Variants in SYNPR observed in about 807,000 individuals in gnomAD.
SYNPR encodes the protein synaptoporin.
In SYNPR, 23 loss-of-function variants were observed where a neutral mutation model predicts 32.9. The observed-to-expected ratio is 0.70, with a 90% CI of 0.50 to 0.99. The LOEUF (loss-of-function observed/expected upper bound fraction) is 0.99. SYNPR is among the 50% of genes least tolerant of loss of function. The pLI is 0.00. For missense variants in SYNPR, 318 were observed against 349.3 expected (o/e 0.91, Z 0.71); for synonymous variants, 146 against 135.9 (o/e 1.07, Z -0.52).
intron 3 of SYNPR, among the ~76,000 whole-genome samples, chr3:63,494,555 T>C (rs2106724108): frequency 1.3e-5 from 2 of 149,306 alleles, no homozygotes; most frequent in Middle Eastern, 3.5e-3. Flanking sequence ...ATCATCATCA[T>C]CGTTGTCATC....
intron 2 of SYNPR, among the ~76,000 whole-genome samples, chr3:63,266,023 G>C (rs2086482867): frequency 1.3e-5 from 2 of 151,804 alleles, no homozygotes; most frequent in African/African-American, 4.8e-5. Context: ...TTTTCTACAA[G>C]TGAAAAAATT....
chr3:63,557,219 T>C (rs184230027), intron 4 of SYNPR, among the ~76,000 whole-genome samples: 79 of 152,276 alleles, frequency 5.2e-4, no homozygotes, highest in Non-Finnish European at 8.2e-4. Context: ...GAAATCAATA[T>C]AGCCCAGCAT....
intron 3 of SYNPR, among the ~76,000 whole-genome samples, chr3:63,487,221 G>A (rs1165508010): frequency 6.6e-6 from 1 of 152,128 alleles, no homozygotes. Flanking sequence ...TAAAGCTGAA[G>A]CAATGTAGTG....
At chr3:63,397,962 C>T (rs1025474174) in intron 2 of SYNPR, among the ~76,000 whole-genome samples, 2 of 152,140 alleles carry the variant, frequency 1.3e-5, no homozygotes, top group African/African-American at 2.4e-5. Context: ...AAAATACTCA[C>T]GATATAATGG....
At chr3:63,573,253 C>T (rs1043542647) in intron 4 of SYNPR, among the ~76,000 whole-genome samples, 1 of 152,116 alleles carries the variant, frequency 6.6e-6, no homozygotes, top group Admixed American at 6.6e-5. Flanking sequence ...ATGTTTCCAT[C>T]AACAGAACAT....
At chr3:63,225,745 C>G (rs569957758), upstream of SYNPR, among the ~76,000 whole-genome samples, 8 of 152,168 alleles carry the variant, frequency 5.3e-5, no homozygotes, top group African/African-American at 1.9e-4. Flanking sequence ...TTGGTCTAGG[C>G]AAAGATTTTA....
intron 3 of SYNPR, among the ~76,000 whole-genome samples, chr3:63,537,284 C>A (rs1051513012): frequency 6.6e-6 from 1 of 152,086 alleles, no homozygotes; most frequent in African/African-American, 2.4e-5. Flanking sequence ...CAAACTTCTA[C>A]CTACTTTCCC....
At chr3:63,524,076 A>G (rs1015916574) in intron 3 of SYNPR, among the ~76,000 whole-genome samples, 1 of 133,940 alleles carries the variant, frequency 7.5e-6, no homozygotes, top group African/African-American at 2.8e-5. Context: ...TATTTACCTC[A>G]TTTCTGTAAA....
intron 2 of SYNPR, among the ~76,000 whole-genome samples, chr3:63,305,432 GAA>G (rs1162805778): frequency 2.0e-5 from 3 of 151,982 alleles, no homozygotes; most frequent in African/African-American, 7.2e-5. Flanking sequence ...ATTATGACAG[GAA>G]AAAGAGTTTA....
the SYNPR span, among the ~76,000 whole-genome samples, chr3:63,209,348 A>G: frequency 6.6e-6 from 1 of 151,932 alleles, no homozygotes; most frequent in East Asian, 1.9e-4. Context: ...GGGAAACAGT[A>G]AACAGTGAGT....
intron 4 of SYNPR, among the ~76,000 whole-genome samples, chr3:63,605,759 A>C (rs1337797957): frequency 6.6e-6 from 1 of 152,240 alleles, no homozygotes; most frequent in African/African-American, 2.4e-5. Context: ...ATTTGAAGAA[A>C]GAAAGAAGAA....
intron 4 of SYNPR, among the ~76,000 whole-genome samples, chr3:63,584,420 A>C (rs1301672970): frequency 1.3e-5 from 2 of 151,926 alleles, no homozygotes; most frequent in Admixed American, 6.6e-5. Flanking sequence ...TCAATAATAG[A>C]GGTATGGGAC....
At chr3:63,526,939 G>A (rs750288299) in intron 3 of SYNPR, among the ~76,000 whole-genome samples, 2 of 152,112 alleles carry the variant, frequency 1.3e-5, no homozygotes, top group Non-Finnish European at 2.9e-5. Context: ...AAGCATTCAC[G>A]GTGAGACAGC....
At chr3:63,578,954 C>T (rs2106857612) in intron 4 of SYNPR, among the ~76,000 whole-genome samples, 1 of 152,186 alleles carries the variant, frequency 6.6e-6, no homozygotes, top group East Asian at 1.9e-4. Flanking sequence ...TTTCCTATGA[C>T]ACTTCCTCTA....
intron 3 of SYNPR, among the ~76,000 whole-genome samples, chr3:63,525,098 C>CA (rs1380443085): frequency 1.3e-5 from 2 of 151,978 alleles, no homozygotes; most frequent in African/African-American, 4.8e-5. Context: ...TAAAAAAGGC[C>CA]AAAAATAGTG....
At chr3:63,569,273 T>C (rs1034574339) in intron 4 of SYNPR, among the ~76,000 whole-genome samples, 1 of 152,174 alleles carries the variant, frequency 6.6e-6, no homozygotes, top group African/African-American at 2.4e-5. Flanking sequence ...TTCCTTAAGA[T>C]AAAAACCCAG....
Position 63,380,122 on chromosome 3 carries a change from A to G in SYNPR, c.85-100710A>G, listed in dbSNP as rs182460997. Among the ~76,000 whole-genome samples the G allele has an allele frequency of 2.3e-3, 355 of 152,168 alleles. 6 individuals carry two copies. Among genetic ancestry groups the G allele is most frequent in the Admixed American group, 0.02 (301 of 15,278 alleles). On this transcript the variant is annotated intron_variant, in intron 2 of 5. Transcript: ENST00000478300. ...TTTGGGTTGGTTCCAAGTCTTTGCT[A>G]TTGTGAATAGTGCCTCAATAAACAT...
intron 2 of SYNPR, among the ~76,000 whole-genome samples, chr3:63,359,524 A>G (rs2087629271): frequency 1.3e-5 from 2 of 152,220 alleles, no homozygotes; most frequent in Non-Finnish European, 2.9e-5. Context: ...GGCAACTGCT[A>G]GCACTCCCAG....
the SYNPR span, among the ~76,000 whole-genome samples, chr3:63,201,516 A>G: frequency 6.6e-6 from 1 of 152,200 alleles, no homozygotes; most frequent in Non-Finnish European, 1.5e-5. Context: ...GGATAACACT[A>G]TAAAGAGTGG....
Sources: allele counts gnomAD v4.1 joint callset (sites outside exome capture counted in the v4.1 genomes callset), GRCh38; gene constraint gnomAD v4.1.1; transcripts MANE v1.5; gene names NCBI Gene and HGNC (gene_info 2026-07-23, HGNC 2026-07-21).